Variants in SGCZ observed in about 807,000 individuals in gnomAD.
SGCZ encodes the protein sarcoglycan zeta.
Under a neutral mutation model 41.3 loss-of-function variants are expected in SGCZ, and 40 were observed. The observed-to-expected ratio is 0.97, with a 90% CI of 0.75 to 1.26. The LOEUF is 1.26. Ranked by LOEUF, SGCZ falls within the 50% of genes most tolerant of loss-of-function variation. The probability of loss-of-function intolerance (pLI) is 0.00; values close to 1 mark genes in which losing one functional copy is unlikely to be tolerated. For synonymous variants in SGCZ, 206 were observed against 137.5 expected (o/e 1.50, Z -3.49); for missense variants, 552 against 369.8 (o/e 1.49, Z -4.04).
intron 1 of SGCZ, among the ~76,000 whole-genome samples, chr8:14,589,400 A>C (rs1805170031): frequency 6.6e-6 from 1 of 151,998 alleles, no homozygotes; most frequent in African/African-American, 2.4e-5. Context: ...GTTAGAACTC[A>C]TTTCCTAATA....
At chr8:14,349,582 G>C (rs929517155) in intron 2 of SGCZ, among the ~76,000 whole-genome samples, 2 of 152,096 alleles carry the variant, frequency 1.3e-5, no homozygotes, top group Non-Finnish European at 2.9e-5. Context: ...GGGGGTAAAA[G>C]ACTCTGAGAT....
At chr8:15,110,579 T>A (rs1807009852) in intron 1 of SGCZ, among the ~76,000 whole-genome samples, 1 of 152,208 alleles carries the variant, frequency 6.6e-6, no homozygotes, top group African/African-American at 2.4e-5. Context: ...CAGGTGTGCA[T>A]ATCACAATTC....
chr8:14,422,189 A>C (rs1052798047), intron 2 of SGCZ, among the ~76,000 whole-genome samples: 1 of 152,222 alleles, frequency 6.6e-6, no homozygotes, highest in African/African-American at 2.4e-5. Context: ...AAATATGAGA[A>C]AAGTAATGAG....
intron 1 of SGCZ, among the ~76,000 whole-genome samples, chr8:14,593,284 G>A (rs117532674): frequency 0.017 from 2,601 of 152,268 alleles, 26 homozygotes; most frequent in Middle Eastern, 0.027. Context: ...AGAAGCAAGT[G>A]GTTGGAGGGA....
At chr8:14,967,398 AT>A (rs1801157436) in intron 1 of SGCZ, among the ~76,000 whole-genome samples, 1 of 152,098 alleles carries the variant, frequency 6.6e-6, no homozygotes, top group Non-Finnish European at 1.5e-5. Context: ...ATTTCCATGC[AT>A]CTTCATGCTC....
intron 1 of SGCZ, among the ~76,000 whole-genome samples, chr8:15,138,586 C>T (rs1342431682): frequency 1.3e-5 from 2 of 152,098 alleles, no homozygotes; most frequent in Admixed American, 1.3e-4. Flanking sequence ...GAGTGTTTCA[C>T]AAGATCTGGT....
At chr8:14,595,048 T>G (rs1432167316) in intron 1 of SGCZ, among the ~76,000 whole-genome samples, 1 of 150,446 alleles carries the variant, frequency 6.6e-6, no homozygotes, top group Admixed American at 6.6e-5. Flanking sequence ...TTTTGAATTA[T>G]AGAAATGGCT....
intron 1 of SGCZ, among the ~76,000 whole-genome samples, chr8:15,218,439 T>C (rs1175974645): frequency 6.6e-6 from 1 of 152,206 alleles, no homozygotes; most frequent in Non-Finnish European, 1.5e-5. Flanking sequence ...TTGACTTTTC[T>C]CAGTGTTTAT....
Position 14,968,065 on chromosome 8 carries a change from A to G in SGCZ, c.39+269520T>C, listed in dbSNP as rs1801176998. ...TATTGAGCCCAATCTGGACAAAGCT[A>G]TATAATAAGCATAAGAATAAAATGT... On this transcript the variant is annotated intron_variant, in intron 1 of 7. Coordinates refer to ENST00000382080, the MANE Select transcript of SGCZ (RefSeq NM_139167.4). 2.0e-5 allele frequency among the ~76,000 whole-genome samples: 3 copies of G among 152,204 alleles called. No homozygotes were observed. The South Asian group carries it at 6.2e-4, about 31-fold the overall frequency.
intron 4 of SGCZ, among the ~76,000 whole-genome samples, chr8:14,216,190 T>C (rs1431321595): frequency 6.6e-6 from 1 of 152,186 alleles, no homozygotes; most frequent in Admixed American, 6.5e-5. Context: ...ATCAGTTTCT[T>C]TACATCCCCT....
At chr8:14,407,020 C>CA (rs1384991913) in intron 2 of SGCZ, among the ~76,000 whole-genome samples, 1 of 148,826 alleles carries the variant, frequency 6.7e-6, no homozygotes, top group Non-Finnish European at 1.5e-5. Flanking sequence ...TGTCCTGCAT[C>CA]AATATGAATA....
chr8:14,407,771 T>C (rs1378129663), intron 2 of SGCZ, among the ~76,000 whole-genome samples: 7 of 152,148 alleles, frequency 4.6e-5, no homozygotes, highest in African/African-American at 4.8e-5. Context: ...TTTTTTCCTA[T>C]GCATGTATTT....
intron 1 of SGCZ, among the ~76,000 whole-genome samples, chr8:14,604,757 T>C (rs1349681082): frequency 6.6e-6 from 1 of 152,168 alleles, no homozygotes; most frequent in Admixed American, 6.5e-5. Context: ...TACTTAAATA[T>C]ATTTTGATGT....
At chr8:14,395,490 A>G (rs1241183762) in intron 2 of SGCZ, among the ~76,000 whole-genome samples, 1 of 152,186 alleles carries the variant, frequency 6.6e-6, no homozygotes, top group African/African-American at 2.4e-5. Context: ...GGCAGAATAC[A>G]CTTGGGCTAA....
At chr8:14,376,328 T>A (rs994193208) in intron 2 of SGCZ, among the ~76,000 whole-genome samples, 3 of 149,658 alleles carry the variant, frequency 2.0e-5, no homozygotes, top group Non-Finnish European at 3.0e-5. Context: ...TAAAATAAAA[T>A]AAAAAATAAA....
At chr8:15,082,987 A>C (rs1231831792) in intron 1 of SGCZ, among the ~76,000 whole-genome samples, 2 of 151,268 alleles carry the variant, frequency 1.3e-5, no homozygotes, top group African/African-American at 2.5e-5. Flanking sequence ...TACCTTCTTT[A>C]TTCATTGAAT....
At chr8:14,814,151 ATAAT>A (rs1199411704) in intron 1 of SGCZ, among the ~76,000 whole-genome samples, 8 of 152,334 alleles carry the variant, frequency 5.3e-5, no homozygotes, top group South Asian at 4.1e-4. Flanking sequence ...TGAGTTTGAA[ATAAT>A]TAATAAGTTA....
chr8:14,710,741 A>G (rs953042172), intron 1 of SGCZ, among the ~76,000 whole-genome samples: 1 of 152,220 alleles, frequency 6.6e-6, no homozygotes, highest in Admixed American at 6.5e-5. Context: ...TAGAACCAAA[A>G]AAATACTAAT....
chr8:14,131,146 G>C (rs1354305178), intron 5 of SGCZ, among the ~76,000 whole-genome samples: 1 of 152,108 alleles, frequency 6.6e-6, no homozygotes, highest in Non-Finnish European at 1.5e-5. Flanking sequence ...CCACATCCTT[G>C]ATTTCCTTGG....
Sources: allele counts gnomAD v4.1 joint callset (sites outside exome capture counted in the v4.1 genomes callset), GRCh38; gene constraint gnomAD v4.1.1; transcripts MANE v1.5; gene names NCBI Gene and HGNC (gene_info 2026-07-23, HGNC 2026-07-21).